Variants in ERC2 observed in about 807,000 individuals in gnomAD.
ERC2 encodes the protein ELKS/RAB6-interacting/CAST family member 2.
In ERC2, 42 loss-of-function variants were observed where a neutral mutation model predicts 114.8. That is an observed-to-expected ratio of 0.37 (90% CI 0.29 to 0.47). The LOEUF (loss-of-function observed/expected upper bound fraction) is 0.47. Ranked by LOEUF, ERC2 falls within the 20% of genes least tolerant of loss-of-function variation. The pLI is 0.99. For synonymous variants in ERC2, 454 were observed against 425.5 expected, an observed-to-expected ratio of 1.07 and a Z score of -0.82; for missense variants, 939 against 1,150.7, an observed-to-expected ratio of 0.82 and a Z score of 2.66.
At chr3:55,588,039 C>A (rs1487068334) in intron 17 of ERC2, among the ~76,000 whole-genome samples, 1 of 152,146 alleles carries the variant, frequency 6.6e-6, no homozygotes, top group African/African-American at 2.4e-5. Context: ...TGAGTTGAAG[C>A]CATAAGTAAA....
intron 14 of ERC2, among the ~76,000 whole-genome samples, chr3:55,850,825 T>A (rs2061535768): frequency 6.7e-6 from 1 of 148,648 alleles, no homozygotes; most frequent in South Asian, 2.2e-4. Flanking sequence ...GACCATCCTG[T>A]TTCTAGATAC....
At chr3:56,451,192 G>A (rs1361161905) in intron 1 of ERC2, among the ~76,000 whole-genome samples, 1 of 152,202 alleles carries the variant, frequency 6.6e-6, no homozygotes, top group African/African-American at 2.4e-5. Context: ...AGACGTTTCT[G>A]AGAAAATGAT....
chr3:56,182,388 C>T (rs895129438), intron 3 of ERC2, among the ~76,000 whole-genome samples: 1 of 152,152 alleles, frequency 6.6e-6, no homozygotes, highest in Non-Finnish European at 1.5e-5. Flanking sequence ...TAAATGAAAC[C>T]GTACAAATGA....
At chr3:55,948,519 T>C (rs2067276470) in intron 13 of ERC2, among the ~76,000 whole-genome samples, 1 of 152,252 alleles carries the variant, frequency 6.6e-6, no homozygotes, top group Non-Finnish European at 1.5e-5. Flanking sequence ...TTACTCTCTA[T>C]TAACCTTAAC....
At chr3:55,544,270 G>A (rs755103590) in intron 17 of ERC2, among the ~76,000 whole-genome samples, 1 of 152,162 alleles carries the variant, frequency 6.6e-6, no homozygotes, top group East Asian at 1.9e-4. Flanking sequence ...GGTTGGGCAA[G>A]TGTTCGACAG....
intron 3 of ERC2, among the ~76,000 whole-genome samples, chr3:56,295,814 G>A (rs2055392284): frequency 6.6e-6 from 1 of 152,168 alleles, no homozygotes; most frequent in East Asian, 1.9e-4. Context: ...GATATGTGCT[G>A]AATAATAATG....
chr3:56,011,815 AC>A (rs999910874), intron 8 of ERC2, among the ~76,000 whole-genome samples: 1 of 152,212 alleles, frequency 6.6e-6, no homozygotes, highest in African/African-American at 2.4e-5. Context: ...ATAGTGCAAG[AC>A]AATGCCTGAT....
chr3:56,382,841 G>A (rs947399644), intron 2 of ERC2, among the ~76,000 whole-genome samples: 1 of 151,916 alleles, frequency 6.6e-6, no homozygotes, highest in Non-Finnish European at 1.5e-5. Context: ...ACTCGAAACT[G>A]CAAAGCCAAC....
At chr3:55,709,759 G>C (rs903024008) in intron 15 of ERC2, among the ~76,000 whole-genome samples, 3 of 152,192 alleles carry the variant, frequency 2.0e-5, no homozygotes, top group African/African-American at 7.2e-5. Context: ...GATGGGGTGA[G>C]CCATGCAAAA....
At chr3:55,556,016 T>A (rs1575574433) in intron 17 of ERC2, among the ~76,000 whole-genome samples, 1 of 152,200 alleles carries the variant, frequency 6.6e-6, no homozygotes, top group East Asian at 1.9e-4. Context: ...CAATGAAAAG[T>A]ACACTGGGCT....
At chr3:55,679,719 C>T (rs1029362125) in intron 17 of ERC2, among the ~76,000 whole-genome samples, 5 of 152,214 alleles carry the variant, frequency 3.3e-5, no homozygotes, top group African/African-American at 1.2e-4. Flanking sequence ...GCATTAAAAG[C>T]AGCAGTAGCT....
intron 14 of ERC2, among the ~76,000 whole-genome samples, chr3:55,777,701 C>T (rs777849422): frequency 1.2e-4 from 18 of 152,144 alleles, no homozygotes; most frequent in Admixed American, 2.6e-4. Context: ...TCCCCCTAAC[C>T]GACAAATAAT....
At chr3:55,906,012 T>A (rs2064413046) in intron 13 of ERC2, among the ~76,000 whole-genome samples, 1 of 152,178 alleles carries the variant, frequency 6.6e-6, no homozygotes, top group Admixed American at 6.5e-5. Flanking sequence ...TCTATGTACC[T>A]TCCCATTTCC....
chr3:55,662,219 G>C (rs1365056606), intron 17 of ERC2, among the ~76,000 whole-genome samples: 1 of 152,180 alleles, frequency 6.6e-6, no homozygotes, highest in East Asian at 1.9e-4. Context: ...AAAATTCTGG[G>C]TCTCTATTGT....
chr3:55,845,724 A>C (rs781240249), intron 14 of ERC2, among the ~76,000 whole-genome samples: 34 of 152,256 alleles, frequency 2.2e-4, no homozygotes, highest in Admixed American at 1.2e-3. Context: ...CCATTGGCGT[A>C]TAATGAATGC....
At position 55,896,848 on chromosome 3, in the gene ERC2, C is replaced by T. The variant is rs554009351; in HGVS notation, c.2404-8299G>A. Among the ~76,000 whole-genome samples the T allele has an allele frequency of 6.6e-5, 10 of 152,240 alleles. 1 individual carries two copies. The South Asian group carries it at 2.1e-3, about 32-fold the overall frequency. On this transcript the variant is annotated intron_variant, in intron 13 of 17. Coordinates refer to ENST00000288221, the MANE Select transcript of ERC2 (RefSeq NM_015576.3). ...ATCAATTACAAAAAAAGAAAAAACC[C>T]TGAATAATTGTGTGCTATTTCTGAT...
At position 55,687,354 on chromosome 3, in the gene ERC2, G is replaced by A. The variant is rs149392726; in HGVS notation, c.2848-3495C>T. Among the ~76,000 whole-genome samples, 6 of 144,502 alleles carry A rather than the reference G, an allele frequency of 4.2e-5. No homozygotes were observed. The East Asian group carries it at 1.0e-3, about 25-fold the overall frequency. 94.8% of individuals were successfully genotyped at this position (144,502 alleles called of 152,430 possible). On this transcript the variant is annotated intron_variant, in intron 16 of 17. Coordinates refer to ENST00000288221, the MANE Select transcript of ERC2 (RefSeq NM_015576.3). ...TTTGAAGTATTAGGTATAGCCAGCA[G>A]GCAAACCTGAGGCCACCACCGGATT...
chr3:56,439,898 T>G (rs943020775), intron 1 of ERC2, among the ~76,000 whole-genome samples: 3 of 152,224 alleles, frequency 2.0e-5, no homozygotes, highest in African/African-American at 7.2e-5. Flanking sequence ...TGTTTTTATT[T>G]TGAAATTTTT....
intron 3 of ERC2, among the ~76,000 whole-genome samples, chr3:56,234,763 G>C (rs2050835907): frequency 6.6e-6 from 1 of 152,158 alleles, no homozygotes; most frequent in South Asian, 2.1e-4. Context: ...GAGATCAAAG[G>C]GGGAAGGTGA....
Sources: allele counts gnomAD v4.1 joint callset (sites outside exome capture counted in the v4.1 genomes callset), GRCh38; gene constraint gnomAD v4.1.1; transcripts MANE v1.5; gene names NCBI Gene and HGNC (gene_info 2026-07-23, HGNC 2026-07-21).